Variants in TGOLN2 observed in about 807,000 individuals in gnomAD.
TGOLN2 encodes the protein trans-golgi network protein 2, also known as trans-Golgi network integral membrane protein 2.
In TGOLN2, 19 loss-of-function variants were observed where a neutral mutation model predicts 31.3. The ratio of observed to expected loss-of-function variants is 0.61; its 90% confidence interval spans 0.42 to 0.89. The LOEUF is 0.89. Among genes scored for constraint, TGOLN2 ranks in the 40% least tolerant of loss-of-function variants. TGOLN2 has a pLI of 0.00. For synonymous variants in TGOLN2, 222 were observed against 226.7 expected, an observed-to-expected ratio of 0.98 and a Z score of 0.19; for missense variants, 540 against 559.2, an observed-to-expected ratio of 0.97 and a Z score of 0.35.
chr2:85,327,794 G>GGGGGC, intron 1 of TGOLN2, 109 bp from the exon 2 acceptor site: 2 of 1,427,558 alleles, frequency 1.4e-6, no homozygotes, highest in Non-Finnish European at 1.9e-6. Flanking sequence ...GGGGGGTGGG[G>GGGGGC]CGGGAGACGA....
In TGOLN2 at chr2:85,327,333, T is replaced by G. The variant is rs1397484415; in HGVS notation, c.399A>C (p.Pro133=). 5.6e-6 allele frequency: 9 copies of G among 1,610,988 alleles called. No homozygotes were observed. Among genetic ancestry groups the G allele is most frequent in the Non-Finnish European group, 7.6e-6 (9 of 1,177,970 alleles). The change falls in exon 2 of 4, where the codon CCA becomes CCC. Residue 133 remains proline, a synonymous_variant. Coordinates refer to ENST00000377386, the MANE Select transcript of TGOLN2 (RefSeq NM_006464.4). ...TSKSHPELQT[P]KDSTGKSGAE... ...CACCCGATTTGCCAGTGCTGTCTTT[T>G]GGAGTCTGCAGCTCCGGATGCGACT...
rs1046686996 is a variant in TGOLN2, at chr2:85,321,617, T to C, written c.*1119A>G. ...ATTTGTATTAACTCCTGACATGGCA[T>C]GGAAGAAGAATTTTTATCAAATACC... is the stretch of plus-strand genomic sequence containing the variant. On this transcript the variant is annotated 3_prime_UTR_variant, in exon 4 of 4. Coordinates refer to ENST00000377386, the MANE Select transcript of TGOLN2 (RefSeq NM_006464.4). 1 of 152,488 alleles carries C rather than the reference T, an allele frequency of 6.6e-6. No individual in the cohort carries two copies. The highest frequency in any genetic ancestry group is 2.4e-5 in the African/African-American group (1 of 41,446). The allele number at this position is 152,488 out of a possible 1,614,324, so 9.4% of individuals were successfully genotyped here.
rs1383964699 is a variant in TGOLN2 at position 85,327,657 on chromosome 2, G to A, written c.75C>T (p.Ser25=). ...AGAVPLLATE[S]VKQEEAGVRP... is the part of the protein sequence containing the mutation. The stretch of plus-strand genomic sequence containing the variant: ...GTACTCCAGCTTCTTCTTGCTTGAC[G>A]CTTTCGGTGGCCAAGAGCGGCACGG... The change falls in exon 2 of 4, where the codon AGC becomes AGT. Residue 25 remains serine (S), a synonymous_variant. Coordinates refer to ENST00000377386, the MANE Select transcript of TGOLN2 (RefSeq NM_006464.4). 1 of 1,612,900 alleles carries A rather than the reference G, an allele frequency of 6.2e-7. No individual in the cohort carries two copies. Among genetic ancestry groups the A allele is most frequent in the South Asian group, 1.1e-5 (1 of 91,078 alleles).
intron 3 of TGOLN2, 83 bp downstream of exon 3, chr2:85,324,832 G>T: frequency 7.8e-7 from 1 of 1,276,958 alleles, no homozygotes; most frequent in Non-Finnish European, 1.1e-6. Context: ...CTGCTTCATG[G>T]CAAATGCAAG....
At position 85,320,080 on chromosome 2, in the gene TGOLN2, T is replaced by A. The variant is rs909282849; in HGVS notation, c.*2656A>T. ...GGAGAGAAACCTAACCAAAGAAACA[T>A]GGGAAGCTGGAAAGTCGAGGGCACA... is the stretch of plus-strand genomic sequence containing the variant. On this transcript the variant is annotated 3_prime_UTR_variant, in exon 4 of 4. Coordinates refer to ENST00000377386, the MANE Select transcript of TGOLN2 (RefSeq NM_006464.4). The A allele has an allele frequency of 2.6e-5, 4 of 152,036 alleles. No homozygotes were observed. Among genetic ancestry groups the A allele is most frequent in the Non-Finnish European group, 5.9e-5 (4 of 68,122 alleles). 9.4% of individuals were successfully genotyped at this position (152,036 alleles called of 1,614,324 possible).
rs1573043146 is a variant in TGOLN2, at chr2:85,319,204, A to C, written c.*3532T>G. On this transcript the variant is annotated 3_prime_UTR_variant, in exon 4 of 4. Coordinates refer to ENST00000377386, the MANE Select transcript of TGOLN2 (RefSeq NM_006464.4). ...TTTTTTTTTTTTTTTTTTGAGACGG[A>C]GTCTCGCTCTATTGGCAGGTTGGAG... The C allele has an allele frequency of 8.1e-6, 1 of 123,370 alleles. No individual in the cohort carries two copies. The highest frequency in any genetic ancestry group is 2.5e-4 in the South Asian group (1 of 3,938). 7.6% of individuals were successfully genotyped at this position (123,370 alleles called of 1,614,324 possible). A position where few individuals can be genotyped will look rare whatever the true frequency, so the allele number is the denominator to read the frequency against.
rs1307395635 is a variant in TGOLN2, at chr2:85,326,594, C to A, written c.1138G>T (p.Ala380Ser). Residue 380 changes from alanine (A) to serine (S), a missense_variant, in exon 2 of 4, where the codon GCG becomes TCG. Physicochemically the swap from Ala to Ser is moderately conservative, Grantham distance 99. Coordinates refer to ENST00000377386, the MANE Select transcript of TGOLN2 (RefSeq NM_006464.4). ...TATGCAAAGAAGTGGCTGCTCTCCG[C>A]GCTGCCATTTCCAGAACCGTTCGGA... ...LYPNGSGNGS[A>S]ESSHFFAYLV... The A allele has an allele frequency of 6.2e-7, 1 of 1,613,892 alleles. No homozygotes were observed. The highest frequency in any genetic ancestry group is 8.5e-7 in the Non-Finnish European group (1 of 1,179,906).
rs1053560 is a variant in TGOLN2 at position 85,319,069 on chromosome 2, C to T, written c.*3667G>A. 89,051 of 152,088 alleles carry T rather than the reference C, an allele frequency of 0.59. 26,766 individuals carry two copies. The highest frequency in any genetic ancestry group is 0.96 in the East Asian group (4,973 of 5,186). The allele number at this position is 152,088 out of a possible 1,614,324, so 9.4% of individuals were successfully genotyped here. ...GATGCCTCAGCCAGCTCACCCTCAT[C>T]CACACAATCGCTAGAAAACATGCTT... On this transcript the variant is annotated 3_prime_UTR_variant, in exon 4 of 4. Transcript: ENST00000377386.
chr2:85,327,321 A>T lies in TGOLN2; in HGVS notation c.411T>A (p.Thr137=), dbSNP rs1682781935. The change falls in exon 2 of 4, where the codon ACT becomes ACA. Residue 137 remains threonine, a synonymous_variant. Transcript: ENST00000377386. The part of the protein sequence containing the change: ...HPELQTPKDS[T]GKSGAEAQTP... ...TCTGCGCCTCCGCACCCGATTTGCCAGTGCTGTCTTTTGGAGTCTGCAGCT... is the reference window on the plus strand; with the variant it reads ...TCTGCGCCTCCGCACCCGATTTGCCTGTGCTGTCTTTTGGAGTCTGCAGCT... 1 of 1,607,548 alleles carries T rather than the reference A, an allele frequency of 6.2e-7. No individual in the cohort carries two copies. The highest frequency in any genetic ancestry group is 1.4e-5 in the African/African-American group (1 of 73,364).
At chr2:85,324,501 C>T (rs1254717721) in intron 3 of TGOLN2, 4 of 244,958 alleles carry the variant, frequency 1.6e-5, no homozygotes, top group Non-Finnish European at 3.1e-5. Flanking sequence ...TCAAAATTCC[C>T]CAAGGTGATT....
Position 85,324,973 on chromosome 2 carries a change from T to C in TGOLN2, c.1250A>G (p.Lys417Arg). 1 of 1,553,212 alleles carries C rather than the reference T, an allele frequency of 6.4e-7. No homozygotes were observed. Among genetic ancestry groups the C allele is most frequent in the South Asian group, 1.2e-5 (1 of 84,206 alleles). Residue 417 changes from lysine (K) to arginine (R), a missense_variant, in exon 3 of 4, where the codon AAA (lysine) becomes AGA (arginine). By Grantham distance (26) the Lys-to-Arg change is conservative. Transcript: ENST00000377386. Reference protein sequence around the residue: ...RKIIAFVLEGKRSKVTRRPKA... With the variant: ...RKIIAFVLEGRRSKVTRRPKA... ...TGGCCGCCGGGTGACTTTAGATCTT[T>C]TTCCTTCCAGGACAAAAGCAATGAT...
In TGOLN2 at chr2:85,327,418, T is replaced by A; in HGVS notation, c.314A>T (p.Gln105Leu). Reference sequence around the variant, plus strand: ...ACCCGACTTGCTAGTGCTGCCTTTTTGGGTCTTTGCCTCCGCACCCGACTT... The same window carrying A: ...ACCCGACTTGCTAGTGCTGCCTTTTAGGGTCTTTGCCTCCGCACCCGACTT... ...SNKSGAEAKTQKGSTSKSGSE... is the reference protein window; with the variant it reads ...SNKSGAEAKTLKGSTSKSGSE... The change falls in exon 2 of 4, where the codon CAA (glutamine) becomes CTA (leucine). Residue 105 changes from glutamine (Q) to leucine (L), a missense_variant. Gln to Leu is a moderately radical substitution (Grantham distance 113, BLOSUM62 -2). Coordinates refer to ENST00000377386, the MANE Select transcript of TGOLN2 (RefSeq NM_006464.4). The A allele has an allele frequency of 6.4e-7, 1 of 1,572,984 alleles. No homozygotes were observed. The highest frequency in any genetic ancestry group is 8.6e-7 in the Non-Finnish European group (1 of 1,160,172).
rs888786835 is a variant in TGOLN2 at position 85,320,847 on chromosome 2, C to T, written c.*1889G>A. The T allele has an allele frequency of 1.3e-5, 2 of 152,120 alleles. No homozygotes were observed. Among genetic ancestry groups the T allele is most frequent in the African/African-American group, 4.8e-5 (2 of 41,400 alleles). 9.4% of individuals were successfully genotyped at this position (152,120 alleles called of 1,614,324 possible). On this transcript the variant is annotated 3_prime_UTR_variant, in exon 4 of 4. Coordinates refer to ENST00000377386, the MANE Select transcript of TGOLN2 (RefSeq NM_006464.4). The stretch of plus-strand genomic sequence containing the variant: ...CAATAGTGTCCAGTTCTGCCAAGGA[C>T]AAGACTAAGCTTTGAGAAAAAGCCA...
At chr2:85,322,890 T>C (rs1367664404) in intron 3 of TGOLN2, 149 bp from the exon 4 acceptor site, 11 of 1,332,448 alleles carry the variant, frequency 8.3e-6, no homozygotes, top group South Asian at 6.0e-5. Flanking sequence ...TAGAAAGATA[T>C]ACACTTGATG....
chr2:85,324,190 A>T (rs1682649262), intron 3 of TGOLN2, among the ~76,000 whole-genome samples: 1 of 152,180 alleles, frequency 6.6e-6, no homozygotes, highest in Non-Finnish European at 1.5e-5. Flanking sequence ...TGGGAGGTCG[A>T]GGCGGGCGGA....
rs1682720919 is a variant in TGOLN2, at chr2:85,326,138, T to C, written c.1224+370A>G. Among the ~76,000 whole-genome samples the C allele has an allele frequency of 5.9e-5, 9 of 152,140 alleles. No individual in the cohort carries two copies. In the South Asian group the frequency reaches 1.9e-3, roughly 32 times the overall value. Reference sequence around the variant, plus strand: ...TTGGGAAAGGAAGCTAGAAATGACATATCGTCTCAAGAAGGGAAATAGGAT... The same window carrying C: ...TTGGGAAAGGAAGCTAGAAATGACACATCGTCTCAAGAAGGGAAATAGGAT... On this transcript the variant is annotated intron_variant, in intron 2 of 3. Transcript: ENST00000377386.
Position 85,327,631 on chromosome 2 carries a change from C to G in TGOLN2, c.101G>C (p.Arg34Pro). The G allele has an allele frequency of 6.2e-7, 1 of 1,613,882 alleles. No homozygotes were observed. The highest frequency in any genetic ancestry group is 8.5e-7 in the Non-Finnish European group (1 of 1,179,790). The change falls in exon 2 of 4, where the codon CGG (arginine) becomes CCG (proline). Residue 34 changes from arginine to proline, a missense_variant. By Grantham distance (103) the Arg-to-Pro change is moderately radical. Coordinates refer to ENST00000377386, the MANE Select transcript of TGOLN2 (RefSeq NM_006464.4). The part of the protein sequence containing the change: ...ESVKQEEAGV[R>P]PSAGNVSTHP... ...GGTGGAGACGTTTCCTGCAGAAGGC[C>G]GTACTCCAGCTTCTTCTTGCTTGAC...
intron 3 of TGOLN2, among the ~76,000 whole-genome samples, chr2:85,323,355 C>T (rs1412067786): frequency 6.6e-6 from 1 of 152,118 alleles, no homozygotes; most frequent in Non-Finnish European, 1.5e-5. Context: ...CATTTGAGGT[C>T]AGCAGTTCAA....
rs936289802 is a variant in TGOLN2 at position 85,319,064 on chromosome 2, C to G, written c.*3672G>C. 6.6e-6 allele frequency: 1 copy of G among 152,218 alleles called. No individual in the cohort carries two copies. The highest frequency in any genetic ancestry group is 1.5e-5 in the Non-Finnish European group (1 of 68,052). The allele number at this position is 152,218 out of a possible 1,614,324, so 9.4% of individuals were successfully genotyped here. On this transcript the variant is annotated 3_prime_UTR_variant, in exon 4 of 4. Transcript: ENST00000377386. ...TGAGCGATGCCTCAGCCAGCTCACC[C>G]TCATCCACACAATCGCTAGAAAACA...
Sources: gnomAD v4.1 joint callset for allele counts (sites outside exome capture counted in the v4.1 genomes callset) on GRCh38, gnomAD v4.1.1 for gene constraint, MANE v1.5 for transcripts, NCBI Gene and HGNC (gene_info 2026-07-23, HGNC 2026-07-21) for gene names.